The following PPFIBP2 variants were observed in gnomAD, a reference collection of about 807,000 sequenced individuals.
PPFIBP2 encodes the protein liprin-beta-2.
PPFIBP2 carries 118 observed loss-of-function variants against 118.3 expected under a neutral mutation model. That is an observed-to-expected ratio of 1.00 (90% CI 0.86 to 1.16). The LOEUF (loss-of-function observed/expected upper bound fraction) is 1.16, where lower values mean the gene tolerates loss of function less well. Ranked by LOEUF, PPFIBP2 falls within the 50% of genes most tolerant of loss-of-function variation. The pLI is 0.00. For missense variants in PPFIBP2, 1,195 were observed against 1,073.1 expected, an observed-to-expected ratio of 1.11 and a Z score of -1.59; for synonymous variants, 414 against 397.4, an observed-to-expected ratio of 1.04 and a Z score of -0.50.
At position 7,629,484 on chromosome 11, in the gene PPFIBP2, G is replaced by C; in HGVS notation, c.914G>C (p.Gly305Ala). The C allele has an allele frequency of 1.2e-6, 2 of 1,614,068 alleles. No homozygotes were observed. Among genetic ancestry groups the C allele is most frequent in the Non-Finnish European group, 1.7e-6 (2 of 1,179,968 alleles). Residue 305 changes from glycine (G) to alanine (A), a missense_variant, in exon 10 of 24, where the codon GGG becomes GCG. Physicochemically the swap from Gly to Ala is moderately conservative, Grantham distance 60. Coordinates refer to ENST00000299492, the MANE Select transcript of PPFIBP2 (RefSeq NM_003621.5). Reference protein sequence around the residue: ...DKDRRIEELTGLLNQYRKVKE... With the variant: ...DKDRRIEELTALLNQYRKVKE... ...GACCGTCGGATAGAGGAGCTTACGG[G>C]GCTGTTAAACCAGTACCGGAAGGTA...
At chr11:7,647,775 C>A (rs1314699298) in intron 17 of PPFIBP2, among the ~76,000 whole-genome samples, 1 of 152,176 alleles carries the variant, frequency 6.6e-6, no homozygotes, top group East Asian at 1.9e-4. Context: ...AGCTATACTT[C>A]TTGTTCTTAT....
rs1358713321 is a variant in PPFIBP2 at position 7,650,905 on chromosome 11, T to C, written c.2187T>C (p.Ser729=). ...SNHRVMEWLR[S]VDLAEYAPNL... is the part of the protein sequence containing the mutation. ...ACAGGGTGATGGAGTGGTTACGATC[T>C]GTGGACCTGGCAGAGTATGCACCCA... Residue 729 remains serine (S), a synonymous_variant, in exon 22 of 24, where the codon TCT becomes TCC. Coordinates refer to ENST00000299492, the MANE Select transcript of PPFIBP2 (RefSeq NM_003621.5). The C allele has an allele frequency of 2.4e-5, 38 of 1,614,052 alleles. No homozygotes were observed. Among genetic ancestry groups the C allele is most frequent in the Admixed American group, 3.3e-5 (2 of 60,012 alleles).
At position 7,629,474 on chromosome 11, in the gene PPFIBP2, G is replaced by A; in HGVS notation, c.904G>A (p.Glu302Lys). ...ACTATGGCAGGACCGTCGGATAGAG[G>A]AGCTTACGGGGCTGTTAAACCAGTA... Reference protein sequence around the residue: ...ANEDKDRRIEELTGLLNQYRK... With the variant: ...ANEDKDRRIEKLTGLLNQYRK... The change falls in exon 10 of 24, where the codon GAG becomes AAG. Residue 302 changes from glutamate to lysine, a missense_variant. Coordinates refer to ENST00000299492, the MANE Select transcript of PPFIBP2 (RefSeq NM_003621.5). 1 of 1,614,100 alleles carries A rather than the reference G, an allele frequency of 6.2e-7. No homozygotes were observed. The highest frequency in any genetic ancestry group is 8.5e-7 in the Non-Finnish European group (1 of 1,179,952).
Position 7,563,951 on chromosome 11 carries a change from G to A in PPFIBP2, c.65-1602G>A, listed in dbSNP as rs182426015. On this transcript the variant is annotated intron_variant, in intron 2 of 23. Coordinates refer to ENST00000299492, the MANE Select transcript of PPFIBP2 (RefSeq NM_003621.5). ...TAGGCCAATTTGGGTGGATCATGAG[G>A]TCAGGAGATTGAGACCATCCTGGCT... 6.5e-3 allele frequency among the ~76,000 whole-genome samples: 996 copies of A among 152,228 alleles called. 11 individuals carry two copies. The highest frequency in any genetic ancestry group is 0.023 in the African/African-American group (955 of 41,528).
chr11:7,608,967 C>T (rs954512202), intron 5 of PPFIBP2, among the ~76,000 whole-genome samples: 2 of 151,996 alleles, frequency 1.3e-5, no homozygotes, highest in Admixed American at 6.6e-5. Flanking sequence ...TCTGGCTGGC[C>T]CAGGAAGAGC....
chr11:7,652,796 G>A (rs1590827135), intron 23 of PPFIBP2, among the ~76,000 whole-genome samples: 1 of 152,190 alleles, frequency 6.6e-6, no homozygotes, highest in Admixed American at 6.5e-5. Context: ...TGAGTTTCAG[G>A]CATAGTATTG....
chr11:7,617,355 G>C, intron 6 of PPFIBP2: 1 of 961,448 alleles, frequency 1.0e-6, no homozygotes, highest in Non-Finnish European at 1.2e-6. Context: ...CTGGTGGAGG[G>C]GCTGGGGTTT....
Position 7,565,639 on chromosome 11 carries a change from C to T in PPFIBP2, c.151C>T (p.Leu51Phe), listed in dbSNP as rs201893667. The T allele has an allele frequency of 7.6e-5, 122 of 1,614,236 alleles. 2 individuals carry two copies. The highest frequency in any genetic ancestry group is 5.4e-4 in the South Asian group (49 of 91,088). Reference protein sequence around the residue: ...PASYMNPFPVLHLIEDLRLAL... With the variant: ...PASYMNPFPVFHLIEDLRLAL... ...CTCCTACATGAACCCCTTCCCGGTG[C>T]TCCATCTCATCGAGGACTTGAGGCT... The change falls in exon 3 of 24, where the codon CTC (leucine) becomes TTC (phenylalanine). Residue 51 changes from leucine to phenylalanine, a missense_variant. Leu to Phe is a conservative substitution (Grantham distance 22). Transcript: ENST00000299492.
chr11:7,578,458 G>A (rs906712431), intron 3 of PPFIBP2, among the ~76,000 whole-genome samples: 3 of 152,254 alleles, frequency 2.0e-5, no homozygotes, highest in Non-Finnish European at 4.4e-5. Context: ...GGGGCATGCA[G>A]ATGCCCGGAC....
chr11:7,610,299 A>T lies in PPFIBP2; in HGVS notation c.495A>T (p.Leu165=). The T allele has an allele frequency of 6.2e-7, 1 of 1,613,966 alleles. No individual in the cohort carries two copies. The highest frequency in any genetic ancestry group is 8.5e-7 in the Non-Finnish European group (1 of 1,179,816). Reference sequence around the variant, plus strand: ...TCTGTTTTTGCTTGCAGGAGCTGCTAAGCCGCACATCTCTTGAGACCCAGA... The same window carrying T: ...TCTGTTTTTGCTTGCAGGAGCTGCTTAGCCGCACATCTCTTGAGACCCAGA... ...AAEEMLQQEL[L]SRTSLETQKL... The change falls in exon 6 of 24, where the codon CTA becomes CTT. Residue 165 remains leucine, a synonymous_variant. Coordinates refer to ENST00000299492, the MANE Select transcript of PPFIBP2 (RefSeq NM_003621.5).
intron 16 of PPFIBP2, chr11:7,641,827 T>A: frequency 1.7e-6 from 1 of 589,788 alleles, no homozygotes. Context: ...TCCAGTTGCC[T>A]TTCATGTCAT....
intron 12 of PPFIBP2, among the ~76,000 whole-genome samples, chr11:7,634,073 C>G (rs1200857341): frequency 6.6e-6 from 1 of 152,110 alleles, no homozygotes; most frequent in African/African-American, 2.4e-5. Flanking sequence ...TTAATGTGTT[C>G]ATCTCTACTC....
intron 5 of PPFIBP2, chr11:7,605,759 G>A: frequency 1.5e-6 from 2 of 1,361,672 alleles, no homozygotes; most frequent in Non-Finnish European, 1.9e-6. Flanking sequence ...GGTTGAGTGA[G>A]CAAGTGGGAC....
chr11:7,529,827 C>G (rs753629137), intron 1 of PPFIBP2, among the ~76,000 whole-genome samples: 1 of 152,230 alleles, frequency 6.6e-6, no homozygotes, highest in Non-Finnish European at 1.5e-5. Context: ...AGGAAGGAAC[C>G]GAGGGGCTGT....
chr11:7,548,219 C>G (rs946664099), intron 1 of PPFIBP2: 6 of 152,416 alleles, frequency 3.9e-5, no homozygotes, highest in Admixed American at 2.0e-4. Context: ...GTGGATTTAA[C>G]TATTATTTCC....
chr11:7,632,193 A>G (rs1180880638), intron 11 of PPFIBP2, among the ~76,000 whole-genome samples: 1 of 152,082 alleles, frequency 6.6e-6, no homozygotes, highest in East Asian at 1.9e-4. Context: ...ACCAGTTCTC[A>G]TTTCTCAAAA....
intron 3 of PPFIBP2, among the ~76,000 whole-genome samples, chr11:7,583,255 A>G (rs1435389488): frequency 6.6e-6 from 1 of 152,178 alleles, no homozygotes; most frequent in Non-Finnish European, 1.5e-5. Flanking sequence ...TTGTAGGATT[A>G]ATGGCATTCT....
intron 5 of PPFIBP2, among the ~76,000 whole-genome samples, chr11:7,608,477 C>T (rs189641418): frequency 0.013 from 1,836 of 139,988 alleles, 34 homozygotes; most frequent in African/African-American, 0.057. Flanking sequence ...CCCGTCTCTA[C>T]TAAAAATACA....
chr11:7,651,891 C>A, intron 23 of PPFIBP2, 47 bp downstream of exon 23: 1 of 1,541,476 alleles, frequency 6.5e-7, no homozygotes. Flanking sequence ...GCCTCCTGGC[C>A]CTCACGCAGC....
Sources: gnomAD v4.1 joint callset for allele counts (sites outside exome capture counted in the v4.1 genomes callset) on GRCh38, gnomAD v4.1.1 for gene constraint, MANE v1.5 for transcripts, NCBI Gene and HGNC (gene_info 2026-07-23, HGNC 2026-07-21) for gene names.